The following ROBO1 variants were observed in gnomAD, a reference collection of about 807,000 sequenced individuals.
ROBO1 encodes roundabout guidance receptor 1.
A neutral mutation model predicts 195.9 loss-of-function variants in ROBO1; 149 were observed. That is an observed-to-expected ratio of 0.76 (90% confidence interval 0.67 to 0.87). The LOEUF is 0.87. Ranked by LOEUF, ROBO1 falls within the 40% of genes least tolerant of loss-of-function variation. The pLI is 0.00. For missense variants in ROBO1, 1,933 were observed against 2,068.3 expected (o/e 0.93, Z 1.27); for synonymous variants, 816 against 733.2 (o/e 1.11, Z -1.82).
chr3:79,058,547 C>T (rs973021159), intron 3 of ROBO1, among the ~76,000 whole-genome samples: 7 of 151,982 alleles, frequency 4.6e-5, no homozygotes, highest in South Asian at 2.1e-4. Flanking sequence ...TCAGTATCAA[C>T]GTAGATCCAG....
At chr3:78,700,265 C>T (rs895008909) in intron 8 of ROBO1, among the ~76,000 whole-genome samples, 13 of 152,104 alleles carry the variant, frequency 8.5e-5, no homozygotes, top group African/African-American at 1.2e-4. Flanking sequence ...CTCTCTTCTT[C>T]GCTAGGTTAT....
chr3:78,987,828 G>A (rs777399853), intron 3 of ROBO1, among the ~76,000 whole-genome samples: 8 of 151,892 alleles, frequency 5.3e-5, no homozygotes, highest in African/African-American at 1.2e-4. Context: ...ACCCTGATGC[G>A]ATTATTACAC....
In ROBO1 at chr3:78,943,361, C is replaced by G. The variant is rs958549877; in HGVS notation, c.173-4434G>C. On this transcript the variant is annotated intron_variant, in intron 3 of 30. Transcript: ENST00000464233. ...AGTGTTGCTGAGAGTTCACTCTGTC[C>G]CTGATTTGCAGTCCCCTATAGCGAA... Among the ~76,000 whole-genome samples, 3 of 152,158 alleles carry G rather than the reference C, an allele frequency of 2.0e-5. No homozygotes were observed. The East Asian group carries it at 5.8e-4, about 29-fold the overall frequency.
rs532412360 is a variant in ROBO1 at position 79,174,313 on chromosome 3, G to A, written c.89-48774C>T. 4.0e-5 allele frequency among the ~76,000 whole-genome samples: 6 copies of A among 151,658 alleles called. No homozygotes were observed. In the East Asian group the frequency reaches 7.8e-4, roughly 20 times the overall value. ...ACGAAGGAACAACTCCAGACGTGCCGCCTTAAGAGCTGTAACACTCACCGC... is the reference window on the plus strand; with the variant it reads ...ACGAAGGAACAACTCCAGACGTGCCACCTTAAGAGCTGTAACACTCACCGC... On this transcript the variant is annotated intron_variant, in intron 2 of 30. Coordinates refer to ENST00000464233, the MANE Select transcript of ROBO1 (RefSeq NM_002941.4).
chr3:79,535,999 G>A (rs574643061), intron 2 of ROBO1, among the ~76,000 whole-genome samples: 2 of 152,038 alleles, frequency 1.3e-5, no homozygotes, highest in East Asian at 3.9e-4. Context: ...ATCTATGCCT[G>A]GATCTTCCTA....
chr3:78,822,779 T>C (rs993487038), intron 4 of ROBO1, among the ~76,000 whole-genome samples: 1 of 152,218 alleles, frequency 6.6e-6, no homozygotes, highest in Admixed American at 6.5e-5. Context: ...TTGAAAAGCA[T>C]GCAAATATTT....
intron 3 of ROBO1, among the ~76,000 whole-genome samples, chr3:78,973,946 A>G (rs2076830694): frequency 6.6e-6 from 1 of 152,120 alleles, no homozygotes; most frequent in Admixed American, 6.6e-5. Context: ...ATACGTAATC[A>G]GCATTGTACA....
intron 18 of ROBO1, among the ~76,000 whole-genome samples, chr3:78,654,922 A>T (rs1161613964): frequency 2.6e-5 from 4 of 152,198 alleles, no homozygotes; most frequent in Admixed American, 2.0e-4. Context: ...TCATAAATTA[A>T]TATTGAAATT....
At chr3:78,671,720 G>A (rs1241665633) in intron 10 of ROBO1, among the ~76,000 whole-genome samples, 1 of 152,118 alleles carries the variant, frequency 6.6e-6, no homozygotes, top group African/African-American at 2.4e-5. Flanking sequence ...GCAATATCAA[G>A]GGGTGAATTA....
chr3:79,084,353 C>T (rs1422587246), intron 3 of ROBO1, among the ~76,000 whole-genome samples: 3 of 152,078 alleles, frequency 2.0e-5, no homozygotes, highest in Non-Finnish European at 4.4e-5. Context: ...ACAAAATTAG[C>T]CGGGCTTGGT....
chr3:78,789,655 G>T (rs1386453842), intron 4 of ROBO1, among the ~76,000 whole-genome samples: 2 of 152,042 alleles, frequency 1.3e-5, no homozygotes, highest in African/African-American at 4.8e-5. Context: ...CATACCTTTT[G>T]TCTTATGTAA....
At chr3:78,756,762 T>G (rs2082943276) in intron 4 of ROBO1, among the ~76,000 whole-genome samples, 1 of 152,200 alleles carries the variant, frequency 6.6e-6, no homozygotes, top group African/African-American at 2.4e-5. Context: ...CTTTTCCACC[T>G]TGGGCTATCC....
intron 2 of ROBO1, among the ~76,000 whole-genome samples, chr3:79,540,153 A>T (rs1303704684): frequency 1.3e-5 from 2 of 152,062 alleles, no homozygotes; most frequent in Non-Finnish European, 2.9e-5. Flanking sequence ...AGAAAAGGTT[A>T]TTGTAATAGA....
chr3:78,859,903 A>AC (rs879895884), intron 4 of ROBO1, among the ~76,000 whole-genome samples: 33 of 151,956 alleles, frequency 2.2e-4, no homozygotes, highest in East Asian at 7.7e-4. Context: ...ACACGGTGAA[A>AC]CCCGTCTCTA....
chr3:79,594,378 A>G (rs1284364853), intron 1 of ROBO1, among the ~76,000 whole-genome samples: 1 of 152,052 alleles, frequency 6.6e-6, no homozygotes, highest in Non-Finnish European at 1.5e-5. Flanking sequence ...CCTATTTTTA[A>G]AATACTAAGA....
At chr3:79,678,685 T>A (rs1309568566) in intron 1 of ROBO1, among the ~76,000 whole-genome samples, 1 of 152,120 alleles carries the variant, frequency 6.6e-6, no homozygotes, top group Non-Finnish European at 1.5e-5. Flanking sequence ...ACTGTAGTAG[T>A]TTGATAATGT....
chr3:79,248,733 A>T (rs2082670391), intron 2 of ROBO1, among the ~76,000 whole-genome samples: 1 of 152,170 alleles, frequency 6.6e-6, no homozygotes, highest in Non-Finnish European at 1.5e-5. Flanking sequence ...GTGATAGAAT[A>T]GAGTAACATA....
intron 3 of ROBO1, among the ~76,000 whole-genome samples, chr3:78,995,991 A>G (rs1311921768): frequency 1.3e-5 from 2 of 152,088 alleles, no homozygotes; most frequent in Admixed American, 6.6e-5. Context: ...GCTCCAATCC[A>G]GCTCCAAATG....
chr3:79,676,938 G>T (rs1332859486), intron 1 of ROBO1, among the ~76,000 whole-genome samples: 3 of 152,060 alleles, frequency 2.0e-5, no homozygotes, highest in African/African-American at 7.2e-5. Flanking sequence ...GCTCTGAATG[G>T]ATAGTGTAAT....
Sources: gnomAD v4.1 joint callset for allele counts (sites outside exome capture counted in the v4.1 genomes callset) on GRCh38, gnomAD v4.1.1 for gene constraint, MANE v1.5 for transcripts, NCBI Gene and HGNC (gene_info 2026-07-23, HGNC 2026-07-21) for gene names.